RETREG1: variants seen among roughly 807,000 people sequenced by gnomAD.
RETREG1 encodes reticulophagy regulator 1, also known as family with sequence similarity 134 member B.
Under a neutral mutation model 54.8 loss-of-function variants are expected in RETREG1, and 44 were observed. The ratio of observed to expected loss-of-function variants is 0.80; its 90% CI spans 0.63 to 1.03. The LOEUF is 1.03. Ranked by LOEUF, RETREG1 falls within the 50% of genes least tolerant of loss-of-function variation. RETREG1 has a pLI of 0.00. For synonymous variants in RETREG1, 217 were observed against 238.5 expected, an observed-to-expected ratio of 0.91 and a Z score of 0.83; for missense variants, 554 against 605.1, an observed-to-expected ratio of 0.92 and a Z score of 0.89.
intron 3 of RETREG1, among the ~76,000 whole-genome samples, chr5:16,489,596 T>C (rs937502303): frequency 1.3e-5 from 2 of 152,238 alleles, no homozygotes; most frequent in Non-Finnish European, 2.9e-5. Context: ...AGAAATACTA[T>C]CTCATTATCA....
intron 3 of RETREG1, among the ~76,000 whole-genome samples, chr5:16,506,432 A>G (rs887507675): frequency 6.6e-6 from 1 of 152,100 alleles, no homozygotes; most frequent in Non-Finnish European, 1.5e-5. Flanking sequence ...TCTCGAAGGT[A>G]GCAAGAGTCA....
intron 3 of RETREG1, among the ~76,000 whole-genome samples, chr5:16,494,944 A>G (rs1739396954): frequency 6.6e-6 from 1 of 152,200 alleles, no homozygotes; most frequent in Admixed American, 6.5e-5. Context: ...TGCTGGTAGT[A>G]ATATGGAAAA....
At chr5:16,508,598 T>C (rs1480239458) in intron 3 of RETREG1, 1 of 1,614,080 alleles carries the variant, frequency 6.2e-7, no homozygotes, top group Non-Finnish European at 8.5e-7. Flanking sequence ...GTCCAAAGTC[T>C]TCACCTTCAG....
chr5:16,613,421 C>T (rs1431696032), intron 1 of RETREG1, among the ~76,000 whole-genome samples: 1 of 152,034 alleles, frequency 6.6e-6, no homozygotes, highest in Non-Finnish European at 1.5e-5. Flanking sequence ...ATCCACAATA[C>T]CACGTTCCCC....
chr5:16,477,639 T>G (rs1455384558), intron 8 of RETREG1, 23 bp downstream of exon 8: 3 of 1,610,508 alleles, frequency 1.9e-6, no homozygotes, highest in Non-Finnish European at 2.5e-6. Flanking sequence ...TAAAAATAAA[T>G]GTCTCCAGAA....
intron 1 of RETREG1, among the ~76,000 whole-genome samples, chr5:16,583,430 TTGCAGTGAGTGAAGATCACGCCAG>T (rs1272014302): frequency 1.3e-5 from 2 of 152,036 alleles, no homozygotes; most frequent in African/African-American, 4.8e-5. Flanking sequence ...GAGCTGGACG[TTGCAGTGAGTGAAGATCACGCCAG>T]TGCACTCCAG....
chr5:16,521,006 C>A (rs927684210), intron 3 of RETREG1, among the ~76,000 whole-genome samples: 1 of 152,144 alleles, frequency 6.6e-6, no homozygotes, highest in African/African-American at 2.4e-5. Context: ...CACGCCTCAC[C>A]CAGGGCCACT....
chr5:16,610,270 T>C lies in RETREG1; in HGVS notation c.320+6382A>G, dbSNP rs75351121. 1.6e-4 allele frequency among the ~76,000 whole-genome samples: 25 copies of C among 152,314 alleles called. 1 individual carries two copies. The East Asian group carries it at 4.8e-3, about 29-fold the overall frequency. ...CTGAAAAGTCAGAGTGACCCAGGTCTCCCGCCAGGGGTGCCCCTGCGTGGA... is the reference window on the plus strand; with the variant it reads ...CTGAAAAGTCAGAGTGACCCAGGTCCCCCGCCAGGGGTGCCCCTGCGTGGA... On this transcript the variant is annotated intron_variant, in intron 1 of 8. Transcript: ENST00000306320.
At chr5:16,576,497 T>C (rs1025766825) in intron 1 of RETREG1, among the ~76,000 whole-genome samples, 32 of 152,068 alleles carry the variant, frequency 2.1e-4, no homozygotes, top group Non-Finnish European at 3.5e-4. Context: ...TATTTTTTTA[T>C]TTTTTGAGAC....
intron 3 of RETREG1, among the ~76,000 whole-genome samples, chr5:16,521,282 T>C (rs1740525139): frequency 6.6e-6 from 1 of 152,148 alleles, no homozygotes; most frequent in Non-Finnish European, 1.5e-5. Flanking sequence ...AGAACTTCTC[T>C]AAAACCCTAT....
chr5:16,477,173 T>C (rs574794200), intron 8 of RETREG1, among the ~76,000 whole-genome samples: 9 of 152,286 alleles, frequency 5.9e-5, no homozygotes, highest in Admixed American at 3.3e-4. Flanking sequence ...CATTGACTGA[T>C]TTATTTTCCT....
At chr5:16,615,123 C>T (rs751228881) in intron 1 of RETREG1, among the ~76,000 whole-genome samples, 1 of 152,018 alleles carries the variant, frequency 6.6e-6, no homozygotes, top group Non-Finnish European at 1.5e-5. Flanking sequence ...TAAGGCCGGG[C>T]GCAGTAGCTC....
intron 4 of RETREG1, 146 bp downstream of exon 4, chr5:16,483,200 C>T (rs576052490): frequency 7.7e-6 from 7 of 907,506 alleles, no homozygotes; most frequent in Admixed American, 5.6e-5. Flanking sequence ...ACATCTGAAC[C>T]TTGCTGATAC....
chr5:16,554,051 A>T (rs901900614), intron 3 of RETREG1, among the ~76,000 whole-genome samples: 15 of 152,214 alleles, frequency 9.9e-5, no homozygotes, highest in African/African-American at 3.4e-4. Flanking sequence ...AGTCACCAGA[A>T]TATGCATTCA....
chr5:16,505,777 G>C (rs1286518283), intron 3 of RETREG1, among the ~76,000 whole-genome samples: 1 of 152,094 alleles, frequency 6.6e-6, no homozygotes, highest in Non-Finnish European at 1.5e-5. Context: ...CTCTGGCCAG[G>C]GTACACGTTT....
chr5:16,495,003 G>A (rs1349501433), intron 3 of RETREG1, among the ~76,000 whole-genome samples: 1 of 152,156 alleles, frequency 6.6e-6, no homozygotes, highest in African/African-American at 2.4e-5. Flanking sequence ...ATCTTATTGG[G>A]AACTGGAGCA....
chr5:16,522,026 T>C (rs375445848), intron 3 of RETREG1, among the ~76,000 whole-genome samples: 30 of 152,300 alleles, frequency 2.0e-4, no homozygotes, highest in African/African-American at 7.0e-4. Flanking sequence ...CTTCACCTGC[T>C]GACCCAGCCT....
chr5:16,529,832 G>A (rs17706853), intron 3 of RETREG1, among the ~76,000 whole-genome samples: 37,176 of 152,008 alleles, frequency 0.24, 4,789 homozygotes, highest in South Asian at 0.39. Context: ...TAAGTACCAC[G>A]CTCAGGCTTT....
intron 3 of RETREG1, among the ~76,000 whole-genome samples, chr5:16,558,595 A>C (rs1342357746): frequency 1.3e-5 from 2 of 152,232 alleles, no homozygotes; most frequent in African/African-American, 4.8e-5. Context: ...ACAGCTTTCA[A>C]ATATGATGCC....
Sources: allele counts gnomAD v4.1 joint callset (sites outside exome capture counted in the v4.1 genomes callset), GRCh38; gene constraint gnomAD v4.1.1; transcripts MANE v1.5; gene names NCBI Gene and HGNC (gene_info 2026-07-23, HGNC 2026-07-21).